Variants in PCCA observed in about 807,000 individuals in gnomAD.
PCCA encodes propionyl-CoA carboxylase alpha chain, mitochondrial.
Under a neutral mutation model 101.3 loss-of-function variants are expected in PCCA, and 74 were observed. The observed-to-expected ratio is 0.73, with a 90% confidence interval of 0.61 to 0.89. The LOEUF is 0.89. PCCA is among the 40% of genes least tolerant of loss of function. PCCA has a pLI of 0.00. For synonymous variants in PCCA, 294 were observed against 313.6 expected (o/e 0.94, Z 0.66); for missense variants, 891 against 907.0 (o/e 0.98, Z 0.23).
intron 16 of PCCA, among the ~76,000 whole-genome samples, chr13:100,320,409 CA>C (rs1273575346): frequency 6.6e-6 from 1 of 152,170 alleles, no homozygotes. Context: ...TGCCAGTTTT[CA>C]AAGGGAATGC....
chr13:100,467,125 T>C (rs542926388), intron 21 of PCCA, among the ~76,000 whole-genome samples: 6 of 152,050 alleles, frequency 3.9e-5, no homozygotes, highest in Non-Finnish European at 7.4e-5. Context: ...TTGCTCAGAG[T>C]GGTTTATATC....
At chr13:100,381,751 C>A (rs1013935787) in intron 19 of PCCA, among the ~76,000 whole-genome samples, 2 of 152,154 alleles carry the variant, frequency 1.3e-5, no homozygotes, top group African/African-American at 4.8e-5. Flanking sequence ...GCGAAGGAGG[C>A]GGGAACTGTA....
intron 8 of PCCA, among the ~76,000 whole-genome samples, chr13:100,238,214 A>G (rs1271359166): frequency 6.6e-6 from 1 of 152,104 alleles, no homozygotes; most frequent in East Asian, 1.9e-4. Flanking sequence ...TGCCGGGATT[A>G]CAGGCATAAG....
At position 100,247,248 on chromosome 13, in the gene PCCA, C is replaced by T. The variant is rs560263552; in HGVS notation, c.638-10347C>T. Among the ~76,000 whole-genome samples the T allele has an allele frequency of 2.4e-3, 329 of 135,818 alleles. 2 individuals carry two copies. The highest frequency in any genetic ancestry group is 8.6e-3 in the African/African-American group (306 of 35,776). 89.1% of individuals were successfully genotyped at this position (135,818 alleles called of 152,430 possible). The stretch of plus-strand genomic sequence containing the variant: ...TTTTTTTTTTTTTGAGACAGAGTCT[C>T]ACTCTGTCGCCCAGACGGGAGTACA... On this transcript the variant is annotated intron_variant, in intron 8 of 23. Coordinates refer to ENST00000376285, the MANE Select transcript of PCCA (RefSeq NM_000282.4).
chr13:100,362,822 T>A (rs1350120427), intron 18 of PCCA, among the ~76,000 whole-genome samples: 1 of 152,228 alleles, frequency 6.6e-6, no homozygotes, highest in Non-Finnish European at 1.5e-5. Flanking sequence ...TACAGACTCT[T>A]CCACACAGTC....
At chr13:100,292,934 CGTGT>C (rs36098330) in intron 12 of PCCA, among the ~76,000 whole-genome samples, 5 of 147,580 alleles carry the variant, frequency 3.4e-5, no homozygotes, top group African/African-American at 1.0e-4. Context: ...TTTCCAAATT[CGTGT>C]GTGTGTGTGT....
chr13:100,485,548 A>G (rs1386828456), intron 21 of PCCA, among the ~76,000 whole-genome samples: 2 of 152,118 alleles, frequency 1.3e-5, no homozygotes, highest in African/African-American at 4.8e-5. Flanking sequence ...TGAACTGGCA[A>G]CCCCAACTCT....
intron 19 of PCCA, among the ~76,000 whole-genome samples, chr13:100,392,448 T>C (rs1021983199): frequency 6.6e-6 from 1 of 152,224 alleles, no homozygotes; most frequent in African/African-American, 2.4e-5. Context: ...AATGATTTTA[T>C]TTATAAATTT....
intron 6 of PCCA, among the ~76,000 whole-genome samples, chr13:100,180,789 T>A (rs1212819520): frequency 6.6e-6 from 1 of 152,266 alleles, no homozygotes; most frequent in East Asian, 1.9e-4. Flanking sequence ...GTATATGGGC[T>A]TATGTTTGCA....
chr13:100,328,936 C>T (rs1377621490), intron 16 of PCCA, among the ~76,000 whole-genome samples: 4 of 151,112 alleles, frequency 2.6e-5, no homozygotes, highest in Non-Finnish European at 5.9e-5. Context: ...TCATGATCTG[C>T]CTGCCTCGGC....
intron 12 of PCCA, among the ~76,000 whole-genome samples, chr13:100,274,587 C>T (rs1233997420): frequency 6.6e-6 from 1 of 152,140 alleles, no homozygotes; most frequent in Non-Finnish European, 1.5e-5. Flanking sequence ...TGCCTCTCTC[C>T]TGGTTCTGGT....
At chr13:100,207,309 G>A (rs1365111756) in intron 6 of PCCA, among the ~76,000 whole-genome samples, 2 of 152,112 alleles carry the variant, frequency 1.3e-5, no homozygotes, top group Non-Finnish European at 2.9e-5. Context: ...TAGGAGAGAA[G>A]CATACCTCTT....
chr13:100,221,599 T>G (rs1402779132), intron 7 of PCCA, among the ~76,000 whole-genome samples: 11 of 152,218 alleles, frequency 7.2e-5, no homozygotes, highest in Admixed American at 7.2e-4. Flanking sequence ...TGTAACATCC[T>G]ATTACACTCT....
At chr13:100,468,786 A>G (rs1465029499) in intron 21 of PCCA, among the ~76,000 whole-genome samples, 1 of 152,168 alleles carries the variant, frequency 6.6e-6, no homozygotes, top group African/African-American at 2.4e-5. Flanking sequence ...GCACTTTGGG[A>G]GGCCGAGAGG....
intron 21 of PCCA, among the ~76,000 whole-genome samples, chr13:100,477,128 G>A (rs959155476): frequency 6.6e-6 from 1 of 152,162 alleles, no homozygotes; most frequent in Non-Finnish European, 1.5e-5. Context: ...CTGGCTATTT[G>A]CTTGGCCTCA....
At chr13:100,316,368 T>C (rs915479810) in intron 16 of PCCA, among the ~76,000 whole-genome samples, 4 of 152,232 alleles carry the variant, frequency 2.6e-5, no homozygotes, top group Admixed American at 6.5e-5. Flanking sequence ...TAAAATTCCA[T>C]GCTTCATTTA....
intron 19 of PCCA, among the ~76,000 whole-genome samples, chr13:100,398,608 T>A (rs994700748): frequency 8.5e-5 from 13 of 152,168 alleles, no homozygotes. Flanking sequence ...GTTAATGAAG[T>A]TGCTTGTCCT....
chr13:100,440,156 T>TTATATATA (rs398024171), intron 20 of PCCA, among the ~76,000 whole-genome samples: 77 of 92,812 alleles, frequency 8.3e-4, no homozygotes, highest in South Asian at 1.7e-3. Flanking sequence ...GAGTATTAAA[T>TTATATATA]TATATATATA....
chr13:100,117,766 G>GTA (rs757074033), intron 4 of PCCA, among the ~76,000 whole-genome samples: 444 of 150,842 alleles, frequency 2.9e-3, no homozygotes, highest in Non-Finnish European at 4.6e-3. Flanking sequence ...AGAACTTAAA[G>GTA]TATATATATA....
Sources: allele counts gnomAD v4.1 joint callset (sites outside exome capture counted in the v4.1 genomes callset), GRCh38; gene constraint gnomAD v4.1.1; transcripts MANE v1.5; gene names NCBI Gene and HGNC (gene_info 2026-07-23, HGNC 2026-07-21).